ADAM18: variants seen among roughly 807,000 people sequenced by gnomAD.
ADAM18 encodes disintegrin and metalloproteinase domain-containing protein 18.
ADAM18 carries 117 observed loss-of-function variants against 94.4 expected under a neutral mutation model. That is an observed-to-expected ratio of 1.24 (90% CI 1.07 to 1.45). The LOEUF is 1.45. Among genes scored for constraint, ADAM18 ranks in the 40% most tolerant of loss-of-function variants. The pLI, the probability that ADAM18 is intolerant of heterozygous loss-of-function variation, is 0.00. For missense variants in ADAM18, 936 were observed against 880.0 expected (o/e 1.06, Z -0.81); for synonymous variants, 327 against 291.6 (o/e 1.12, Z -1.24).
chr8:39,634,352 C>T (rs758867359), intron 7 of ADAM18, among the ~76,000 whole-genome samples: 5 of 152,134 alleles, frequency 3.3e-5, no homozygotes, highest in Non-Finnish European at 7.4e-5. Context: ...CCAGTGGAGA[C>T]ATAGGTGCTG....
intron 6 of ADAM18, among the ~76,000 whole-genome samples, chr8:39,617,711 A>G (rs1819485101): frequency 6.6e-6 from 1 of 152,220 alleles, no homozygotes; most frequent in Non-Finnish European, 1.5e-5. Context: ...CTTGGAGGCC[A>G]TTATTCTAAG....
intron 12 of ADAM18, among the ~76,000 whole-genome samples, chr8:39,653,804 G>A: frequency 6.6e-6 from 1 of 152,030 alleles, no homozygotes; most frequent in South Asian, 2.1e-4. Context: ...GGGTACCTGG[G>A]GTATATTTTC....
chr8:39,629,706 CTCTT>C (rs1819880126), intron 7 of ADAM18, among the ~76,000 whole-genome samples: 2 of 150,954 alleles, frequency 1.3e-5, no homozygotes, highest in South Asian at 2.1e-4. Context: ...CTTTCTTTCA[CTCTT>C]TCTTTCTTTT....
chr8:39,592,132 A>G (rs1188219306), intron 2 of ADAM18, among the ~76,000 whole-genome samples: 1 of 152,238 alleles, frequency 6.6e-6, no homozygotes, highest in Admixed American at 6.5e-5. Flanking sequence ...AAGTACATTT[A>G]GCATAATTCT....
intron 18 of ADAM18, among the ~76,000 whole-genome samples, chr8:39,714,864 G>T (rs1822526967): frequency 1.3e-5 from 2 of 151,968 alleles, no homozygotes; most frequent in Non-Finnish European, 2.9e-5. Flanking sequence ...TTTCTTTGAG[G>T]ACCTGCTCAT....
intron 16 of ADAM18, among the ~76,000 whole-genome samples, chr8:39,681,239 A>G (rs1821447279): frequency 6.6e-6 from 1 of 152,162 alleles, no homozygotes. Flanking sequence ...TTCAGGGAAA[A>G]TCCTACAAGG....
intron 16 of ADAM18, among the ~76,000 whole-genome samples, chr8:39,688,997 G>A (rs1266743237): frequency 6.6e-6 from 1 of 152,068 alleles, no homozygotes; most frequent in African/African-American, 2.4e-5. Flanking sequence ...TTTCTTGGCT[G>A]CATGTATGTC....
intron 17 of ADAM18, among the ~76,000 whole-genome samples, chr8:39,705,464 C>T (rs906524326): frequency 1.3e-5 from 2 of 152,186 alleles, no homozygotes; most frequent in South Asian, 2.1e-4. Flanking sequence ...CCAGATCACT[C>T]CTGTAATCCT....
chr8:39,591,267 G>A (rs1040256470), intron 2 of ADAM18, among the ~76,000 whole-genome samples: 1 of 152,130 alleles, frequency 6.6e-6, no homozygotes, highest in African/African-American at 2.4e-5. Flanking sequence ...AGTTTGCTGT[G>A]TCGGTTGACT....
intron 6 of ADAM18, 111 bp downstream of exon 6, chr8:39,610,817 T>C: frequency 5.2e-6 from 7 of 1,335,218 alleles, no homozygotes; most frequent in Non-Finnish European, 6.8e-6. Context: ...TTAAATTTTA[T>C]GTATTTTTCT....
intron 18 of ADAM18, among the ~76,000 whole-genome samples, chr8:39,721,051 TGCAACTATAA>T (rs1339096308): frequency 6.6e-6 from 1 of 151,530 alleles, no homozygotes; most frequent in Non-Finnish European, 1.5e-5. Context: ...ATAAACATTT[TGCAACTATAA>T]GCAACAACAT....
intron 18 of ADAM18, among the ~76,000 whole-genome samples, chr8:39,707,968 C>T (rs866762702): frequency 2.0e-4 from 30 of 152,172 alleles, no homozygotes; most frequent in Middle Eastern, 3.4e-3. Flanking sequence ...AGCACTGTAA[C>T]GGCGTAACAG....
Position 39,680,937 on chromosome 8 carries a change from T to C in ADAM18, c.1821+711T>C, listed in dbSNP as rs565832108. ...GGATGTGTTAGTCAATTGTTATATC[T>C]GGTGTCAGCAACCCTAATCCCTTGA... is the stretch of plus-strand genomic sequence containing the variant. On this transcript the variant is annotated intron_variant, in intron 16 of 19. Coordinates refer to ENST00000265707, the MANE Select transcript of ADAM18 (RefSeq NM_014237.3). Among the ~76,000 whole-genome samples the C allele has an allele frequency of 7.2e-5, 11 of 152,336 alleles. No homozygotes were observed. In the South Asian group the frequency reaches 1.0e-3, roughly 14 times the overall value.
intron 6 of ADAM18, chr8:39,611,586 T>C: frequency 1.0e-6 from 1 of 985,370 alleles, no homozygotes; most frequent in South Asian, 4.7e-5. Flanking sequence ...GTTTCTGGTT[T>C]CAGGTAAGAG....
chr8:39,658,855 A>G (rs1820757145), intron 12 of ADAM18, among the ~76,000 whole-genome samples: 1 of 152,196 alleles, frequency 6.6e-6, no homozygotes, highest in Non-Finnish European at 1.5e-5. Flanking sequence ...GCCCCTCTTC[A>G]TTATAACCTG....
At chr8:39,586,764 CTATCT>C (rs900902749) in intron 2 of ADAM18, among the ~76,000 whole-genome samples, 11 of 91,456 alleles carry the variant, frequency 1.2e-4, no homozygotes, top group Non-Finnish European at 2.6e-4. Context: ...AACTATCTAT[CTATCT>C]ATCTATCTAT....
At chr8:39,649,907 T>C (rs2129579644) in intron 12 of ADAM18, among the ~76,000 whole-genome samples, 1 of 152,340 alleles carries the variant, frequency 6.6e-6, no homozygotes, top group Middle Eastern at 3.4e-3. Flanking sequence ...CGCCCGCCTC[T>C]TCTTGTAAAT....
rs1820099405 is a variant in ADAM18 at position 39,637,064 on chromosome 8, T to TA, written c.589-199dup. ...ATATATATATATATATATATATATA[T>TA]ATGTATATACATAATATATAATCCA... On this transcript the variant is annotated intron_variant, in intron 7 of 19. Transcript: ENST00000265707. Among the ~76,000 whole-genome samples the TA allele has an allele frequency of 5.2e-5, 7 of 135,318 alleles. No homozygotes were observed. In the East Asian group the frequency reaches 1.6e-3, roughly 31 times the overall value. The allele number at this position is 135,318 out of a possible 152,430, so 88.8% of individuals were successfully genotyped here.
chr8:39,659,438 A>T (rs1820772198), intron 12 of ADAM18, among the ~76,000 whole-genome samples: 2 of 152,106 alleles, frequency 1.3e-5, no homozygotes, highest in Non-Finnish European at 2.9e-5. Context: ...AGAAAACCAA[A>T]TTATAAACAT....
Sources: allele counts gnomAD v4.1 joint callset (sites outside exome capture counted in the v4.1 genomes callset), GRCh38; gene constraint gnomAD v4.1.1; transcripts MANE v1.5; gene names NCBI Gene and HGNC (gene_info 2026-07-23, HGNC 2026-07-21).